SLIT3: variants seen among roughly 807,000 people sequenced by gnomAD.
SLIT3 encodes slit homolog 3 protein.
In SLIT3, 68 loss-of-function variants were observed where a neutral mutation model predicts 184.0. That is an observed-to-expected ratio of 0.37 (90% CI 0.30 to 0.45). SLIT3 has a LOEUF of 0.45. Among genes scored for constraint, SLIT3 ranks in the 20% least tolerant of loss-of-function variants. The pLI, the probability that SLIT3 is intolerant of heterozygous loss-of-function variation, is 1.00. For synonymous variants in SLIT3, 831 were observed against 828.6 expected, an observed-to-expected ratio of 1.00 and a Z score of -0.05; for missense variants, 1,707 against 2,026.0, an observed-to-expected ratio of 0.84 and a Z score of 3.02.
At chr5:168,768,130 C>T (rs373436171) in intron 14 of SLIT3, 58 of 493,978 alleles carry the variant, frequency 1.2e-4, no homozygotes, top group East Asian at 1.0e-3. Context: ...GTGGTGGCGG[C>T]GGTGGCGGGC....
chr5:168,934,614 TG>T (rs1287098512), intron 4 of SLIT3, among the ~76,000 whole-genome samples: 1 of 152,088 alleles, frequency 6.6e-6, no homozygotes, highest in Non-Finnish European at 1.5e-5. Context: ...CTACTAGAAC[TG>T]ACATGCAAGT....
intron 4 of SLIT3, among the ~76,000 whole-genome samples, chr5:169,155,494 C>G (rs769153072): frequency 1.3e-5 from 2 of 152,148 alleles, no homozygotes; most frequent in Admixed American, 6.5e-5. Context: ...GCACTTGGAG[C>G]AAAAGATCCC....
At position 168,779,185 on chromosome 5, in the gene SLIT3, A is replaced by G. The variant is rs114882943; in HGVS notation, c.1152-4807T>C. On this transcript the variant is annotated intron_variant, in intron 12 of 35. Transcript: ENST00000519560. ...CTTTGACCAAAGTTCCACAACCCGTAAGAGGTAGGATAGTATTTGGACTCA... is the reference window on the plus strand; with the variant it reads ...CTTTGACCAAAGTTCCACAACCCGTGAGAGGTAGGATAGTATTTGGACTCA... Among the ~76,000 whole-genome samples, 440 of 152,286 alleles carry G rather than the reference A, an allele frequency of 2.9e-3. 2 individuals are homozygous for G. Among genetic ancestry groups the G allele is most frequent in the African/African-American group, 0.01 (416 of 41,566 alleles).
intron 20 of SLIT3, among the ~76,000 whole-genome samples, chr5:168,726,358 GAGAGGGAGGC>G (rs373551404): frequency 2.5e-4 from 25 of 101,680 alleles, no homozygotes; most frequent in South Asian, 3.4e-4. Context: ...GGCAGGGAGG[GAGAGGGAGGC>G]AGGGAGGGAG....
chr5:168,827,722 A>G (rs980703361), intron 6 of SLIT3, among the ~76,000 whole-genome samples: 1 of 152,204 alleles, frequency 6.6e-6, no homozygotes, highest in Non-Finnish European at 1.5e-5. Context: ...GCTCAATGCC[A>G]GGGTACTGAG....
At chr5:169,067,045 T>C (rs926178303) in intron 4 of SLIT3, among the ~76,000 whole-genome samples, 12 of 152,126 alleles carry the variant, frequency 7.9e-5, no homozygotes, top group African/African-American at 2.9e-4. Context: ...ATTCGCTTCC[T>C]GTTAGTCATT....
chr5:169,185,344 A>T (rs2113451685), intron 4 of SLIT3, among the ~76,000 whole-genome samples: 1 of 152,300 alleles, frequency 6.6e-6, no homozygotes, highest in East Asian at 1.9e-4. Flanking sequence ...GACCCCATGT[A>T]TGAGATGGTG....
intron 2 of SLIT3, among the ~76,000 whole-genome samples, chr5:169,251,100 C>T (rs959499356): frequency 6.6e-6 from 1 of 152,210 alleles, no homozygotes; most frequent in South Asian, 2.1e-4. Context: ...AACCTGACAT[C>T]GCTGTCATCC....
intron 4 of SLIT3, among the ~76,000 whole-genome samples, chr5:169,020,598 A>G (rs1217263671): frequency 3.3e-5 from 5 of 152,240 alleles, no homozygotes; most frequent in Non-Finnish European, 7.3e-5. Flanking sequence ...ATTGTATTAA[A>G]TTCATTTGTT....
intron 4 of SLIT3, among the ~76,000 whole-genome samples, chr5:169,104,346 C>A (rs190407131): frequency 2.8e-4 from 43 of 152,280 alleles, no homozygotes; most frequent in Admixed American, 2.8e-3. Context: ...ACGCAGAACT[C>A]CAGGGCAGAG....
Position 168,878,792 on chromosome 5 carries a change from G to A in SLIT3, c.485+4473C>T, listed in dbSNP as rs572779484. Among the ~76,000 whole-genome samples, 55 of 148,060 alleles carry A rather than the reference G, an allele frequency of 3.7e-4. 1 individual carries two copies. In the South Asian group the frequency reaches 5.4e-3, roughly 14 times the overall value. On this transcript the variant is annotated intron_variant, in intron 5 of 35. Coordinates refer to ENST00000519560, the MANE Select transcript of SLIT3 (RefSeq NM_003062.4). ...TGCAATGGTGCGATCTTGGCTCACC[G>A]CAACCTCTGCCTACTGGGTTCAAAC...
At position 168,805,136 on chromosome 5, in the gene SLIT3, G is replaced by A. The variant is rs142931851; in HGVS notation, c.935+1310C>T. 2.3e-4 allele frequency among the ~76,000 whole-genome samples: 35 copies of A among 152,328 alleles called. 1 individual carries two copies. In the East Asian group the frequency reaches 6.6e-3, roughly 29 times the overall value. On this transcript the variant is annotated intron_variant, in intron 9 of 35. Coordinates refer to ENST00000519560, the MANE Select transcript of SLIT3 (RefSeq NM_003062.4). ...TCCCCTCCATCACTAGAAGGCAAGT[G>A]TCATACAGGCAGAAATGTGTCTGTT...
At chr5:169,212,858 A>G (rs57781721) in intron 3 of SLIT3, among the ~76,000 whole-genome samples, 46,435 of 152,008 alleles carry the variant, frequency 0.31, 8,067 homozygotes, top group East Asian at 0.69. Flanking sequence ...AGTTTTCTGC[A>G]TATGGCTAGC....
intron 4 of SLIT3, among the ~76,000 whole-genome samples, chr5:169,065,780 C>T (rs1758331825): frequency 6.6e-6 from 1 of 152,234 alleles, no homozygotes. Context: ...ACCCCTGCTT[C>T]TCTGTCCCTT....
intron 4 of SLIT3, among the ~76,000 whole-genome samples, chr5:169,031,212 G>A (rs1391249632): frequency 6.6e-6 from 1 of 152,136 alleles, no homozygotes; most frequent in African/African-American, 2.4e-5. Flanking sequence ...AGTGAAAACT[G>A]CACTTTGTCC....
At chr5:169,004,959 C>G (rs770525814) in intron 4 of SLIT3, among the ~76,000 whole-genome samples, 4 of 152,176 alleles carry the variant, frequency 2.6e-5, no homozygotes, top group Non-Finnish European at 5.9e-5. Context: ...GTTTATGGTA[C>G]AGGCGCACGT....
chr5:169,038,463 G>T (rs1259174945), intron 4 of SLIT3, among the ~76,000 whole-genome samples: 1 of 152,170 alleles, frequency 6.6e-6, no homozygotes, highest in Non-Finnish European at 1.5e-5. Flanking sequence ...TAAGAAGATG[G>T]GGTTTACAAA....
intron 4 of SLIT3, among the ~76,000 whole-genome samples, chr5:168,945,249 T>TTTC (rs1554163571): frequency 1.3e-5 from 2 of 151,698 alleles, no homozygotes; most frequent in African/African-American, 4.8e-5. Flanking sequence ...TATCCACATT[T>TTTC]TTTTTTTTTT....
At chr5:169,131,715 G>C (rs1761303940) in intron 4 of SLIT3, among the ~76,000 whole-genome samples, 1 of 152,148 alleles carries the variant, frequency 6.6e-6, no homozygotes, top group South Asian at 2.1e-4. Context: ...CTCCTTGGCT[G>C]ACTCTGTGGC....
Sources: gnomAD v4.1 joint callset for allele counts (sites outside exome capture counted in the v4.1 genomes callset) on GRCh38, gnomAD v4.1.1 for gene constraint, MANE v1.5 for transcripts, NCBI Gene and HGNC (gene_info 2026-07-23, HGNC 2026-07-21) for gene names.